Variants in FSTL4 observed in about 807,000 individuals in gnomAD.
FSTL4 encodes the protein follistatin like 4.
A neutral mutation model predicts 78.2 loss-of-function variants in FSTL4; 28 were observed. The ratio of observed to expected loss-of-function variants is 0.36; its 90% CI spans 0.27 to 0.49. The LOEUF (loss-of-function observed/expected upper bound fraction) is 0.49, where lower values mean the gene tolerates loss of function less well. Among genes scored for constraint, FSTL4 ranks in the 20% least tolerant of loss-of-function variants. The pLI is 0.98. For missense variants in FSTL4, 922 were observed against 1,084.9 expected, an observed-to-expected ratio of 0.85 and a Z score of 2.11; for synonymous variants, 422 against 440.5, an observed-to-expected ratio of 0.96 and a Z score of 0.53.
At chr5:133,827,629 A>C in the FSTL4 span, among the ~76,000 whole-genome samples, 4 of 152,042 alleles carry the variant, frequency 2.6e-5, no homozygotes, top group African/African-American at 9.7e-5. Flanking sequence ...GAGAGAAGAC[A>C]TCCAAGTCTG....
chr5:133,547,832 A>T (rs1759614966), intron 3 of FSTL4, among the ~76,000 whole-genome samples: 1 of 152,300 alleles, frequency 6.6e-6, no homozygotes, highest in East Asian at 1.9e-4. Flanking sequence ...AAATAAATTA[A>T]CCAGTCTCAG....
the FSTL4 span, among the ~76,000 whole-genome samples, chr5:133,657,254 A>T: frequency 6.6e-6 from 1 of 152,200 alleles, no homozygotes; most frequent in Admixed American, 6.5e-5. Flanking sequence ...CACGTGTGGC[A>T]TTGAGTGGCA....
the FSTL4 span, among the ~76,000 whole-genome samples, chr5:133,675,023 AAC>A: frequency 6.6e-6 from 1 of 152,190 alleles, no homozygotes; most frequent in Non-Finnish European, 1.5e-5. Flanking sequence ...GAATCAAACA[AAC>A]AAACTTAAAA....
At position 133,312,775 on chromosome 5, in the gene FSTL4, A is replaced by G. The variant is rs747798170; in HGVS notation, c.606T>C (p.His202=). The G allele has an allele frequency of 2.5e-6, 4 of 1,614,132 alleles. No homozygotes were observed. In the Admixed American group the frequency reaches 6.7e-5, roughly 27 times the overall value. Residue 202 remains histidine (H), a splice_region_variant and synonymous_variant, in exon 6 of 16, where the codon CAT becomes CAC. Transcript: ENST00000265342. ...GHLSSSELAQ[H]VLKKQDLDED... ...CATCCAGGTCCTGCTTCTTCAGCAC[A>G]TGCTGTGGGGTGAGGAGGAGAACAA... is the stretch of plus-strand genomic sequence containing the variant.
Position 133,217,277 on chromosome 5 carries a change from T to G in FSTL4, c.1560A>C (p.Ala520=). 6.2e-7 allele frequency: 1 copy of G among 1,614,098 alleles called. No individual in the cohort carries two copies. The highest frequency in any genetic ancestry group is 8.5e-7 in the Non-Finnish European group (1 of 1,179,950). ...TGTCGACCACAAGGACTCTGCTCAG[T>G]GCTGGCTGGGCCACATAGATGTACC... ...RNRYIYVAQP[A]LSRVLVVDIQ... is the part of the protein sequence containing the mutation. The change falls in exon 13 of 16, where the codon GCA becomes GCC. Residue 520 remains alanine (A), a synonymous_variant. Transcript: ENST00000265342.
chr5:133,389,874 G>A (rs1020060941), intron 4 of FSTL4, among the ~76,000 whole-genome samples: 1 of 152,332 alleles, frequency 6.6e-6, no homozygotes, highest in South Asian at 2.1e-4. Flanking sequence ...GAGCATCTGA[G>A]AAACAGAGAC....
chr5:133,444,886 G>T (rs1354154478), intron 3 of FSTL4, among the ~76,000 whole-genome samples: 1 of 152,202 alleles, frequency 6.6e-6, no homozygotes, highest in African/African-American at 2.4e-5. Context: ...CTGGGGCCAA[G>T]GGAGGAGGGC....
chr5:133,825,806 G>C, the FSTL4 span, among the ~76,000 whole-genome samples: 1 of 152,222 alleles, frequency 6.6e-6, no homozygotes, highest in Non-Finnish European at 1.5e-5. Flanking sequence ...GGTGACATCT[G>C]CCTGCTCTGA....
At chr5:133,727,812 G>A in the FSTL4 span, among the ~76,000 whole-genome samples, 2 of 152,216 alleles carry the variant, frequency 1.3e-5, no homozygotes, top group Non-Finnish European at 2.9e-5. Flanking sequence ...ACAGTGAAGA[G>A]CCTGGGAACA....
chr5:133,581,727 A>G (rs2112958806), intron 2 of FSTL4, among the ~76,000 whole-genome samples: 1 of 152,396 alleles, frequency 6.6e-6, no homozygotes, highest in East Asian at 1.9e-4. Context: ...AGTATAGGCC[A>G]TACCCTAAAC....
the FSTL4 span, among the ~76,000 whole-genome samples, chr5:133,747,700 T>C: frequency 6.6e-6 from 1 of 152,292 alleles, no homozygotes; most frequent in African/African-American, 2.4e-5. Context: ...TCTTTTTATT[T>C]TATTAGCACC....
chr5:133,834,753 G>A, the FSTL4 span, among the ~76,000 whole-genome samples: 1 of 151,986 alleles, frequency 6.6e-6, no homozygotes, highest in Admixed American at 6.5e-5. Flanking sequence ...TGATTTCAAA[G>A]GTGTTCTTGA....
chr5:133,689,403 G>A, the FSTL4 span, among the ~76,000 whole-genome samples: 1 of 152,202 alleles, frequency 6.6e-6, no homozygotes, highest in African/African-American at 2.4e-5. Context: ...GCAATCTACA[G>A]TGCCAAGCAG....
In FSTL4 at chr5:133,568,646, C is replaced by T. The variant is rs569476340; in HGVS notation, c.127-1427G>A. On this transcript the variant is annotated intron_variant, in intron 2 of 15. Transcript: ENST00000265342. Reference sequence around the variant, plus strand: ...TCATCAGGTAAGGGTTCAGAGGAGGCGGCATAGAGATGACAGGTTAAATGC... The same window carrying T: ...TCATCAGGTAAGGGTTCAGAGGAGGTGGCATAGAGATGACAGGTTAAATGC... Among the ~76,000 whole-genome samples, 97 of 152,256 alleles carry T rather than the reference C, an allele frequency of 6.4e-4. 1 individual carries two copies. The Middle Eastern group carries it at 0.02, about 32-fold the overall frequency.
chr5:133,411,070 G>T (rs1408038424), intron 3 of FSTL4, among the ~76,000 whole-genome samples: 15 of 152,130 alleles, frequency 9.9e-5, no homozygotes, highest in Admixed American at 9.2e-4. Flanking sequence ...GAGACCAGGG[G>T]TCTCCACTGG....
In FSTL4 at chr5:133,230,666, C is replaced by T. The variant is rs1429486958; in HGVS notation, c.1015+2751G>A. On this transcript the variant is annotated intron_variant, in intron 8 of 15. Transcript: ENST00000265342. Reference sequence around the variant, plus strand: ...GGGGCCTCAGATCTGCCTGCTCCACCTCCGGTGCCCCTGCGTCTCCCCAGT... The same window carrying T: ...GGGGCCTCAGATCTGCCTGCTCCACTTCCGGTGCCCCTGCGTCTCCCCAGT... 5.3e-5 allele frequency among the ~76,000 whole-genome samples: 8 copies of T among 152,274 alleles called. No individual in the cohort carries two copies. In the South Asian group the frequency reaches 1.7e-3, roughly 32 times the overall value.
At chr5:133,794,750 C>A in the FSTL4 span, among the ~76,000 whole-genome samples, 1 of 152,196 alleles carries the variant, frequency 6.6e-6, no homozygotes, top group Admixed American at 6.5e-5. Context: ...AGACTCCCAA[C>A]CCAGCACTGT....
chr5:133,267,127 A>G (rs963912049), intron 6 of FSTL4, among the ~76,000 whole-genome samples: 1 of 152,158 alleles, frequency 6.6e-6, no homozygotes, highest in Non-Finnish European at 1.5e-5. Context: ...GTAGTAGGAA[A>G]AACTGGGTGA....
At chr5:133,308,698 A>G (rs202236466) in intron 6 of FSTL4, among the ~76,000 whole-genome samples, 1 of 152,230 alleles carries the variant, frequency 6.6e-6, no homozygotes, top group Non-Finnish European at 1.5e-5. Flanking sequence ...TGACCATATC[A>G]TCTGTTTCAT....
Sources: gnomAD v4.1 joint callset for allele counts (sites outside exome capture counted in the v4.1 genomes callset) on GRCh38, gnomAD v4.1.1 for gene constraint, MANE v1.5 for transcripts, NCBI Gene and HGNC (gene_info 2026-07-23, HGNC 2026-07-21) for gene names.